MYO9B: variants seen among roughly 807,000 people sequenced by gnomAD.
MYO9B encodes unconventional myosin-IXb.
In MYO9B, 71 loss-of-function variants were observed where a neutral mutation model predicts 229.5. The ratio of observed to expected loss-of-function variants is 0.31; its 90% CI spans 0.26 to 0.38. MYO9B has a LOEUF of 0.38. Among genes scored for constraint, MYO9B ranks in the 10% least tolerant of loss-of-function variants. MYO9B has a pLI of 1.00. For synonymous variants in MYO9B, 1,185 were observed against 1,235.8 expected (o/e 0.96, Z 0.86); for missense variants, 2,255 against 2,920.5 (o/e 0.77, Z 5.25).
rs1002463038 is a variant in MYO9B at position 17,153,178 on chromosome 19, G to GTTTGTTTGTT, written c.998+479_998+480insGTTTTTGTTT. On this transcript the variant is annotated intron_variant, in intron 4 of 39. Transcript: ENST00000682292. ...TGGGGTTTTTTTGGTTTGTTTGTTT[G>GTTTGTTTGTT]TTTGTTTTTGTTTTTGTTTGTTTGA... 6.6e-5 allele frequency among the ~76,000 whole-genome samples: 10 copies of GTTTGTTTGTT among 151,244 alleles called. No individual in the cohort carries two copies. The South Asian group carries it at 1.5e-3, about 22-fold the overall frequency.
intron 16 of MYO9B, 25 bp downstream of exon 16, chr19:17,183,893 C>G: frequency 6.4e-7 from 1 of 1,551,874 alleles, no homozygotes; most frequent in Non-Finnish European, 8.7e-7. Context: ...ACACCCCGCG[C>G]GACACGTTCC....
intron 13 of MYO9B, among the ~76,000 whole-genome samples, chr19:17,173,788 A>G (rs17534335): frequency 0.063 from 9,563 of 152,134 alleles, 395 homozygotes; most frequent in Non-Finnish European, 0.094. Flanking sequence ...CATTTTTCCC[A>G]GAGGCAACCT....
At chr19:17,106,975 A>G (rs2057798363) in intron 2 of MYO9B, among the ~76,000 whole-genome samples, 1 of 152,240 alleles carries the variant, frequency 6.6e-6, no homozygotes, top group South Asian at 2.1e-4. Flanking sequence ...AGGCAGGAGA[A>G]TGGCTTGAAC....
At chr19:17,162,947 G>A (rs751150681) in intron 9 of MYO9B, 41 bp from the exon 10 acceptor site, 4 of 1,592,598 alleles carry the variant, frequency 2.5e-6, no homozygotes, top group Non-Finnish European at 3.4e-6. Context: ...CTCCCTCGGG[G>A]TGCACCTGCG....
At chr19:17,210,950 G>T in intron 38 of MYO9B, 102 bp downstream of exon 38, 45 of 1,065,340 alleles carry the variant, frequency 4.2e-5, no homozygotes, top group Non-Finnish European at 5.4e-5. Flanking sequence ...GTTTGGTCCT[G>T]TCATCCCTAA....
Position 17,163,027 on chromosome 19 carries a change from G to C in MYO9B, c.1576G>C (p.Asp526His). 1 of 1,608,126 alleles carries C rather than the reference G, an allele frequency of 6.2e-7. No homozygotes were observed. The highest frequency in any genetic ancestry group is 1.1e-5 in the South Asian group (1 of 89,632). The change falls in exon 10 of 40, where the codon GAC becomes CAC. Residue 526 changes from aspartate (D) to histidine (H), a missense_variant. By Grantham distance (81) the Asp-to-His change is moderately conservative. This residue lies in a region of MYO9B where 220 missense variants were observed against 404.5 expected (regional missense o/e 0.54). Coordinates refer to ENST00000682292, the MANE Select transcript of MYO9B (RefSeq NM_004145.4). ...GGTCCTGGACATCTTCGGGTTTGAA[G>C]ACTTCGAGAGGAACAGCTTTGAGCA... ...IGVLDIFGFE[D>H]FERNSFEQFC...
At chr19:17,184,397 C>G (rs2072894254) in intron 16 of MYO9B, 1 of 171,538 alleles carries the variant, frequency 5.8e-6, no homozygotes. Context: ...GCCTTGCAGT[C>G]TAGTTAGCAG....
intron 14 of MYO9B, among the ~76,000 whole-genome samples, chr19:17,176,719 G>A (rs1224192175): frequency 6.6e-6 from 1 of 152,176 alleles, no homozygotes. Flanking sequence ...GGGCTTGATT[G>A]ATTGGAGAGT....
chr19:17,200,472 C>A (rs897133894), intron 25 of MYO9B, 46 bp downstream of exon 25: 40 of 1,537,432 alleles, frequency 2.6e-5, no homozygotes, highest in Non-Finnish European at 3.1e-5. Flanking sequence ...GCCACCAGTG[C>A]CCCTGGGGAC....
At chr19:17,110,912 G>A (rs2057841786) in intron 2 of MYO9B, among the ~76,000 whole-genome samples, 1 of 152,040 alleles carries the variant, frequency 6.6e-6, no homozygotes, top group Non-Finnish European at 1.5e-5. Context: ...CACCTGGACC[G>A]GGTCCTGAGC....
intron 1 of MYO9B, among the ~76,000 whole-genome samples, chr19:17,097,122 G>GGCTGTCTCTACTAAAACAGAGAAAC (rs1194269572): frequency 6.6e-5 from 10 of 151,760 alleles, no homozygotes. Flanking sequence ...TAGTCAACAT[G>GGCTGTCTCTACTAAAACAGAGAAAC]GCTGTCTCTA....
intron 11 of MYO9B, among the ~76,000 whole-genome samples, chr19:17,170,786 T>C (rs8110820): frequency 0.041 from 6,048 of 148,148 alleles, 288 homozygotes; most frequent in African/African-American, 0.11. Context: ...ATTGTACCAT[T>C]GCATTCTAGC....
At chr19:17,117,223 C>G (rs1210567505) in intron 2 of MYO9B, among the ~76,000 whole-genome samples, 1 of 152,192 alleles carries the variant, frequency 6.6e-6, no homozygotes, top group Non-Finnish European at 1.5e-5. Context: ...AGGCATCAAT[C>G]AGCCACAGGG....
intron 6 of MYO9B, 50 bp downstream of exon 6, chr19:17,154,465 C>A: frequency 7.1e-7 from 1 of 1,407,656 alleles, no homozygotes; most frequent in Non-Finnish European, 9.9e-7. Flanking sequence ...ACAGGGGGCA[C>A]GCATGGCCCT....
At chr19:17,097,308 G>A (rs1038377785) in intron 1 of MYO9B, among the ~76,000 whole-genome samples, 4 of 149,556 alleles carry the variant, frequency 2.7e-5, no homozygotes, top group East Asian at 3.9e-4. Context: ...GTGATAAAGC[G>A]AGACTCCATT....
intron 2 of MYO9B, among the ~76,000 whole-genome samples, chr19:17,112,529 C>T (rs970458017): frequency 1.3e-5 from 2 of 152,166 alleles, no homozygotes; most frequent in African/African-American, 4.8e-5. Flanking sequence ...GTCCTGGGAG[C>T]AACCCCAGCC....
intron 14 of MYO9B, among the ~76,000 whole-genome samples, chr19:17,176,145 T>C (rs937096112): frequency 6.6e-6 from 1 of 152,242 alleles, no homozygotes; most frequent in African/African-American, 2.4e-5. Context: ...TTCTCCTTTC[T>C]CAGCCTCCGG....
chr19:17,200,647 G>A lies in MYO9B; in HGVS notation c.4381G>A (p.Gly1461Arg), dbSNP rs766556364. 1.3e-4 allele frequency: 215 copies of A among 1,612,516 alleles called. No individual in the cohort carries two copies. Among genetic ancestry groups the A allele is most frequent in the Non-Finnish European group, 1.6e-4 (194 of 1,179,280 alleles). ...TTCCTGTCCCCCCTCAGCCCCCTCC[G>A]GACAGCAGCATCGCCACGCTGCAGG... ...TMKKGLEAPSGQQHRHAAGEK... is the reference protein window; with the variant it reads ...TMKKGLEAPSRQQHRHAAGEK... The change falls in exon 26 of 40, where the codon GGA (glycine) becomes AGA (arginine). Residue 1461 changes from glycine to arginine, a missense_variant. Gly to Arg is a moderately radical substitution (Grantham distance 125). Around this residue, in one of 7 missense-constraint regions of MYO9B, gnomAD observed 679 missense variants for 770.2 expected, o/e 0.88. Coordinates refer to ENST00000682292, the MANE Select transcript of MYO9B (RefSeq NM_004145.4).
Position 17,197,800 on chromosome 19 carries a change from G to A in MYO9B, c.4055G>A (p.Arg1352His), listed in dbSNP as rs781508074. 1.9e-6 allele frequency: 3 copies of A among 1,613,608 alleles called. No homozygotes were observed. Among genetic ancestry groups the A allele is most frequent in the South Asian group, 1.1e-5 (1 of 91,084 alleles). ...GAALTPTEER[R>H]TSFSTSDVSK... ...TTTCTGTGATCTCGCAGGGAGAGGC[G>A]CACCTCCTTCTCCACGAGCGACGTC... The change falls in exon 23 of 40, where the codon CGC (arginine) becomes CAC (histidine). Residue 1352 changes from arginine (R) to histidine (H), a missense_variant. Physicochemically the swap from Arg to His is conservative, Grantham distance 29. Coordinates refer to ENST00000682292, the MANE Select transcript of MYO9B (RefSeq NM_004145.4).
Sources: allele counts gnomAD v4.1 joint callset (sites outside exome capture counted in the v4.1 genomes callset), GRCh38; gene constraint gnomAD v4.1.1; regional missense constraint gnomAD v4.1.1; transcripts MANE v1.5; gene names NCBI Gene and HGNC (gene_info 2026-07-23, HGNC 2026-07-21).